Variants in PEAK1 observed in about 807,000 individuals in gnomAD.
PEAK1 encodes pseudopodium enriched atypical kinase 1.
PEAK1 carries 54 observed loss-of-function variants against 124.7 expected under a neutral mutation model. The ratio of observed to expected loss-of-function variants is 0.43; its 90% CI spans 0.35 to 0.54. PEAK1 has a LOEUF of 0.54. Among genes scored for constraint, PEAK1 ranks in the 20% least tolerant of loss-of-function variants. The pLI is 0.01. For missense variants in PEAK1, 2,046 were observed against 2,134.5 expected, an observed-to-expected ratio of 0.96 and a Z score of 0.82; for synonymous variants, 719 against 760.0, an observed-to-expected ratio of 0.95 and a Z score of 0.89.
chr15:77,254,994 T>C (rs115039796), intron 5 of PEAK1, among the ~76,000 whole-genome samples: 3,451 of 152,236 alleles, frequency 0.023, 110 homozygotes, highest in African/African-American at 0.072. Flanking sequence ...TTAGATAGCA[T>C]ATAAACTAAA....
intron 2 of PEAK1, among the ~76,000 whole-genome samples, chr15:77,296,837 TGAA>T (rs2063511066): frequency 6.6e-6 from 1 of 151,168 alleles, no homozygotes; most frequent in Admixed American, 6.6e-5. Context: ...ATATTAAAAA[TGAA>T]GAAAGGGATA....
At chr15:77,398,223 AGAG>A (rs1230032736) in intron 1 of PEAK1, among the ~76,000 whole-genome samples, 1 of 152,222 alleles carries the variant, frequency 6.6e-6, no homozygotes, top group Non-Finnish European at 1.5e-5. Flanking sequence ...TCTGAAAGAT[AGAG>A]GAGGAGGAAT....
chr15:77,394,164 G>A (rs2070713939), intron 1 of PEAK1, among the ~76,000 whole-genome samples: 1 of 152,206 alleles, frequency 6.6e-6, no homozygotes, highest in Admixed American at 6.5e-5. Context: ...CCTGGCTCCT[G>A]GATGGCATCT....
chr15:77,159,649 A>AG (rs2055456943), intron 7 of PEAK1, among the ~76,000 whole-genome samples: 1 of 152,238 alleles, frequency 6.6e-6, no homozygotes. Flanking sequence ...AAAAAAAGAA[A>AG]GAAGGAAGGA....
intron 2 of PEAK1, among the ~76,000 whole-genome samples, chr15:77,316,631 T>C (rs2064893122): frequency 6.6e-6 from 1 of 152,240 alleles, no homozygotes; most frequent in African/African-American, 2.4e-5. Flanking sequence ...TTATTCATCG[T>C]AGTTTCCCCA....
Position 77,110,284 on chromosome 15 carries a change from A to T in PEAK1, c.*3872T>A. On this transcript the variant is annotated 3_prime_UTR_variant, in exon 10 of 10. Coordinates refer to ENST00000682557, the MANE Select transcript of PEAK1 (RefSeq NM_001385026.1). ...ATTTTTGTATTTTTAGTAGAGATGG[A>T]GTTTCACCATGTTGGCCAGGCTGGT... 2 of 152,110 alleles carry T rather than the reference A, an allele frequency of 1.3e-5. No homozygotes were observed. Among genetic ancestry groups the T allele is most frequent in the Middle Eastern group, 3.4e-3 (1 of 296 alleles). 9.4% of individuals were successfully genotyped at this position (152,110 alleles called of 1,614,324 possible). A position where few individuals can be genotyped will look rare whatever the true frequency, so the allele number is the denominator to read the frequency against.
At chr15:77,129,931 C>A (rs1479409012) in intron 9 of PEAK1, among the ~76,000 whole-genome samples, 1 of 152,202 alleles carries the variant, frequency 6.6e-6, no homozygotes, top group Non-Finnish European at 1.5e-5. Context: ...ACAGGGTTCA[C>A]AGAGCCCTAA....
At chr15:77,385,875 G>C (rs1160065544) in intron 1 of PEAK1, among the ~76,000 whole-genome samples, 1 of 152,198 alleles carries the variant, frequency 6.6e-6, no homozygotes, top group Non-Finnish European at 1.5e-5. Context: ...GCTTAGGGCA[G>C]AATATATGAA....
At chr15:77,345,134 T>A (rs1434773981) in intron 2 of PEAK1, among the ~76,000 whole-genome samples, 1 of 152,184 alleles carries the variant, frequency 6.6e-6, no homozygotes, top group South Asian at 2.1e-4. Context: ...GAGCAAAACC[T>A]TACAGTTTTC....
chr15:77,318,635 T>C (rs2065016383), intron 2 of PEAK1, among the ~76,000 whole-genome samples: 1 of 152,000 alleles, frequency 6.6e-6, no homozygotes, highest in Admixed American at 6.6e-5. Flanking sequence ...AATTTATAAG[T>C]TATAATTTAT....
At chr15:77,205,926 C>G (rs1020751983) in intron 6 of PEAK1, among the ~76,000 whole-genome samples, 6 of 146,762 alleles carry the variant, frequency 4.1e-5, no homozygotes, top group African/African-American at 1.5e-4. Context: ...GCTGCACCCA[C>G]TAACTCGTCA....
chr15:77,304,773 A>G (rs940336779), intron 2 of PEAK1, among the ~76,000 whole-genome samples: 1 of 152,052 alleles, frequency 6.6e-6, no homozygotes, highest in African/African-American at 2.4e-5. Context: ...TCTTTCATTT[A>G]CACCTAAATA....
intron 2 of PEAK1, among the ~76,000 whole-genome samples, chr15:77,351,543 AG>A (rs1273538973): frequency 6.6e-6 from 1 of 152,222 alleles, no homozygotes; most frequent in Non-Finnish European, 1.5e-5. Context: ...CCCCAAGTAA[AG>A]GGTATTTAAA....
intron 1 of PEAK1, chr15:77,403,144 A>G: frequency 1.0e-6 from 1 of 985,360 alleles, no homozygotes; most frequent in Non-Finnish European, 1.2e-6. Context: ...ATATTACAGG[A>G]TTTAAAATAC....
intron 2 of PEAK1, among the ~76,000 whole-genome samples, chr15:77,321,387 G>C (rs1046450767): frequency 2.2e-4 from 34 of 152,300 alleles, no homozygotes; most frequent in African/African-American, 7.9e-4. Context: ...TTGTGGTTTT[G>C]ATTTGCATTT....
At chr15:77,260,506 C>G (rs2061383392) in intron 5 of PEAK1, among the ~76,000 whole-genome samples, 1 of 151,822 alleles carries the variant, frequency 6.6e-6, no homozygotes, top group Non-Finnish European at 1.5e-5. Context: ...TAACTATGCT[C>G]TATATTCAAA....
chr15:77,258,027 C>T (rs1401543066), intron 5 of PEAK1, among the ~76,000 whole-genome samples: 1 of 152,244 alleles, frequency 6.6e-6, no homozygotes, highest in East Asian at 1.9e-4. Flanking sequence ...TGTCAAAGAT[C>T]AGATAGTTGT....
intron 6 of PEAK1, among the ~76,000 whole-genome samples, chr15:77,192,242 A>G (rs1399797146): frequency 1.3e-5 from 2 of 152,202 alleles, no homozygotes. Flanking sequence ...CAAAGTGACA[A>G]TTCTTTAGTT....
chr15:77,203,680 T>C (rs2058482353), intron 6 of PEAK1, among the ~76,000 whole-genome samples: 1 of 150,670 alleles, frequency 6.6e-6, no homozygotes, highest in South Asian at 2.1e-4. Flanking sequence ...ATAGCCTTTT[T>C]CACAAATGGT....
Sources: gnomAD v4.1 joint callset for allele counts (sites outside exome capture counted in the v4.1 genomes callset) on GRCh38, gnomAD v4.1.1 for gene constraint, MANE v1.5 for transcripts, NCBI Gene and HGNC (gene_info 2026-07-23, HGNC 2026-07-21) for gene names.